Variants in AAK1 observed in about 807,000 individuals in gnomAD.
The protein encoded by AAK1 is AP2-associated protein kinase 1.
Under a neutral mutation model 116.0 loss-of-function variants are expected in AAK1, and 37 were observed. The ratio of observed to expected loss-of-function variants is 0.32; its 90% CI spans 0.25 to 0.42. The LOEUF (loss-of-function observed/expected upper bound fraction) is 0.42. Among genes scored for constraint, AAK1 ranks in the 10% least tolerant of loss-of-function variants. The probability of loss-of-function intolerance (pLI) is 1.00; values close to 1 mark genes in which losing one functional copy is unlikely to be tolerated. For synonymous variants in AAK1, 458 were observed against 439.9 expected (o/e 1.04, Z -0.51); for missense variants, 919 against 1,170.6 (o/e 0.79, Z 3.14).
chr2:69,490,930 C>T (rs1254344237), intron 17 of AAK1, among the ~76,000 whole-genome samples: 1 of 151,572 alleles, frequency 6.6e-6, no homozygotes, highest in African/African-American at 2.4e-5. Flanking sequence ...TACCCACACA[C>T]ACACACACAC....
intron 2 of AAK1, among the ~76,000 whole-genome samples, chr2:69,615,156 C>T (rs1674267663): frequency 6.6e-6 from 1 of 152,184 alleles, no homozygotes; most frequent in African/African-American, 2.4e-5. Flanking sequence ...AGGGTTTTCA[C>T]TTACATAGTC....
At chr2:69,603,023 G>A (rs1673646581) in intron 2 of AAK1, among the ~76,000 whole-genome samples, 1 of 151,736 alleles carries the variant, frequency 6.6e-6, no homozygotes, top group Non-Finnish European at 1.5e-5. Context: ...AAATCAAGTT[G>A]GTTCAAAAAA....
At chr2:69,593,342 T>C (rs1673118310) in intron 2 of AAK1, among the ~76,000 whole-genome samples, 1 of 152,074 alleles carries the variant, frequency 6.6e-6, no homozygotes, top group Admixed American at 6.6e-5. Context: ...TATGGAAAAA[T>C]GTTCACAACA....
At chr2:69,524,179 G>A (rs1486067571) in intron 10 of AAK1, among the ~76,000 whole-genome samples, 2 of 152,184 alleles carry the variant, frequency 1.3e-5, no homozygotes, top group Non-Finnish European at 2.9e-5. Context: ...AGAAGGAAAG[G>A]GAGGTTGAGT....
Position 69,458,855 on chromosome 2 carries a change from A to G in AAK1, c.*17014T>C, listed in dbSNP as rs574921286. On this transcript the variant is annotated 3_prime_UTR_variant, in exon 22 of 22. Transcript: ENST00000409085. ...TCTAACCTATCCTATTTTAACTGGT[A>G]TTGGTAAAAACTATTTTTGCAATTC... 1.3e-5 allele frequency: 2 copies of G among 152,742 alleles called. No homozygotes were observed. The highest frequency in any genetic ancestry group is 2.1e-4 in the South Asian group (1 of 4,818). 9.5% of individuals were successfully genotyped at this position (152,742 alleles called of 1,614,324 possible).
chr2:69,573,251 C>T (rs1255229106), intron 2 of AAK1, among the ~76,000 whole-genome samples: 4 of 152,042 alleles, frequency 2.6e-5, no homozygotes, highest in Non-Finnish European at 5.9e-5. Context: ...AGTCAGAAGC[C>T]TAAGGAAAAA....
At chr2:69,620,181 G>A in intron 2 of AAK1, among the ~76,000 whole-genome samples, 1 of 152,206 alleles carries the variant, frequency 6.6e-6, no homozygotes, top group South Asian at 2.1e-4. Flanking sequence ...TGGCTGTATT[G>A]TGAATATAGA....
intron 2 of AAK1, among the ~76,000 whole-genome samples, chr2:69,595,232 C>A (rs772341094): frequency 7.2e-5 from 11 of 152,174 alleles, no homozygotes; most frequent in Non-Finnish European, 1.5e-4. Context: ...CCTGCCTCAG[C>A]CTCCTGAGTA....
chr2:69,556,723 T>C (rs1389047873), intron 3 of AAK1, 137 bp downstream of exon 3: 4 of 650,864 alleles, frequency 6.1e-6, no homozygotes, highest in African/African-American at 1.8e-5. Flanking sequence ...CTATATCCCA[T>C]GGCTGTTGAG....
In AAK1 at chr2:69,473,978, C is replaced by G. The variant is rs1000091257; in HGVS notation, c.*1891G>C. 2 of 985,712 alleles carry G rather than the reference C, an allele frequency of 2.0e-6. No homozygotes were observed. The highest frequency in any genetic ancestry group is 2.4e-6 in the Non-Finnish European group (2 of 829,888). The allele number at this position is 985,712 out of a possible 1,614,324, so 61.1% of individuals were successfully genotyped here. A position where few individuals can be genotyped will look rare whatever the true frequency, so the allele number is the denominator to read the frequency against. ...CTCGGCAGGAAGCTTGTGCCTCTCT[C>G]AGTTTTGGAAATGGTCTGTTATTCA... is the stretch of plus-strand genomic sequence containing the variant. On this transcript the variant is annotated 3_prime_UTR_variant, in exon 22 of 22. Coordinates refer to ENST00000409085, the MANE Select transcript of AAK1 (RefSeq NM_014911.5).
intron 3 of AAK1, among the ~76,000 whole-genome samples, chr2:69,550,426 T>G (rs1200742456): frequency 1.3e-5 from 2 of 152,094 alleles, no homozygotes; most frequent in African/African-American, 4.8e-5. Context: ...TGCCTCAGCC[T>G]CCCAAGTAGC....
Position 69,528,346 on chromosome 2 carries a change from A to G in AAK1, c.872-1027T>C, listed in dbSNP as rs577545632. Among the ~76,000 whole-genome samples, 43 of 152,284 alleles carry G rather than the reference A, an allele frequency of 2.8e-4. No homozygotes were observed. In the South Asian group the frequency reaches 3.3e-3, roughly 12 times the overall value. On this transcript the variant is annotated intron_variant, in intron 8 of 21. Transcript: ENST00000409085. Reference sequence around the variant, plus strand: ...TCAGGGACATGAGAGGTGGTGTTTTATAAGAGGAATCTTTTGGTGAGGGTG... The same window carrying G: ...TCAGGGACATGAGAGGTGGTGTTTTGTAAGAGGAATCTTTTGGTGAGGGTG...
intron 17 of AAK1, among the ~76,000 whole-genome samples, chr2:69,488,161 T>TG (rs1416465957): frequency 2.0e-5 from 3 of 151,574 alleles, no homozygotes; most frequent in Non-Finnish European, 4.4e-5. Context: ...TGTGTGTGTG[T>TG]GTGTGTGTGT....
At chr2:69,571,458 C>T (rs1344139458) in intron 2 of AAK1, among the ~76,000 whole-genome samples, 1 of 152,190 alleles carries the variant, frequency 6.6e-6, no homozygotes, top group Non-Finnish European at 1.5e-5. Context: ...CTGGGAGGTT[C>T]CCTTGTACTT....
At chr2:69,627,638 A>G (rs1275075306) in intron 2 of AAK1, among the ~76,000 whole-genome samples, 1 of 152,250 alleles carries the variant, frequency 6.6e-6, no homozygotes, top group Non-Finnish European at 1.5e-5. Flanking sequence ...GAAGAGAGAC[A>G]CAAGCTATTG....
At chr2:69,500,317 A>G (rs1558913166) in intron 16 of AAK1, 1 of 152,156 alleles carries the variant, frequency 6.6e-6, no homozygotes, top group African/African-American at 2.4e-5. Flanking sequence ...AACAAGAGAG[A>G]GGGGAAAATA....
chr2:69,542,375 G>T, intron 5 of AAK1, 148 bp downstream of exon 5: 8 of 1,012,954 alleles, frequency 7.9e-6, no homozygotes, highest in African/African-American at 4.9e-5. Flanking sequence ...TTTTTCCTTT[G>T]TTATTTTCTC....
At chr2:69,522,616 C>A (rs899086313) in intron 10 of AAK1, among the ~76,000 whole-genome samples, 2 of 152,096 alleles carry the variant, frequency 1.3e-5, no homozygotes, top group Admixed American at 6.5e-5. Context: ...CCAGCCTGGC[C>A]AACATGGCAA....
intron 2 of AAK1, among the ~76,000 whole-genome samples, chr2:69,603,768 T>G (rs1408860757): frequency 6.7e-6 from 1 of 149,872 alleles, no homozygotes. Flanking sequence ...CATCATCATC[T>G]GCTTTGCAGG....
Sources: gnomAD v4.1 joint callset for allele counts (sites outside exome capture counted in the v4.1 genomes callset) on GRCh38, gnomAD v4.1.1 for gene constraint, MANE v1.5 for transcripts, NCBI Gene and HGNC (gene_info 2026-07-23, HGNC 2026-07-21) for gene names.